The following MCCC1 variants were observed in gnomAD, a reference collection of about 807,000 sequenced individuals.
MCCC1 encodes methylcrotonyl-CoA carboxylase subunit 1.
In MCCC1, 64 loss-of-function variants were observed where a neutral mutation model predicts 83.8. The ratio of observed to expected loss-of-function variants is 0.76; its 90% CI spans 0.62 to 0.94. The LOEUF is 0.94. MCCC1 is among the 40% of genes least tolerant of loss of function. The probability of loss-of-function intolerance (pLI) is 0.00; values close to 1 mark genes in which losing one functional copy is unlikely to be tolerated. For missense variants in MCCC1, 807 were observed against 904.7 expected (o/e 0.89, Z 1.39); for synonymous variants, 322 against 315.4 (o/e 1.02, Z -0.22).
chr3:183,082,853 C>T (rs573853690), intron 4 of MCCC1, among the ~76,000 whole-genome samples: 2 of 152,054 alleles, frequency 1.3e-5, no homozygotes, highest in South Asian at 2.1e-4. Flanking sequence ...GGCATAGTGA[C>T]GTGTGCCTAC....
upstream of MCCC1, among the ~76,000 whole-genome samples, chr3:183,104,137 C>G (rs1002303109): frequency 6.6e-6 from 1 of 152,242 alleles, no homozygotes; most frequent in Middle Eastern, 3.2e-3. Context: ...CCCTCCACAC[C>G]TCCCTGCAAG....
chr3:183,096,729 C>G (rs1172372787), intron 1 of MCCC1, among the ~76,000 whole-genome samples: 1 of 152,210 alleles, frequency 6.6e-6, no homozygotes, highest in Non-Finnish European at 1.5e-5. Flanking sequence ...AGCTTCCTCA[C>G]GAGGCTGCTG....
intron 4 of MCCC1, among the ~76,000 whole-genome samples, chr3:183,077,436 A>T (rs73178970): frequency 8.3e-4 from 126 of 152,326 alleles, no homozygotes; most frequent in Non-Finnish European, 1.6e-3. Flanking sequence ...CATCCTAGTG[A>T]GTATGAAGTG....
At chr3:183,055,044 G>C (rs1715303677) in intron 8 of MCCC1, among the ~76,000 whole-genome samples, 1 of 152,142 alleles carries the variant, frequency 6.6e-6, no homozygotes, top group South Asian at 2.1e-4. Context: ...TTCTCAGAAT[G>C]TATTCCTATT....
intron 5 of MCCC1, 102 bp downstream of exon 5, chr3:183,072,264 A>C: frequency 1.5e-6 from 2 of 1,356,268 alleles, no homozygotes; most frequent in Non-Finnish European, 2.1e-6. Context: ...CTCCTGCCTC[A>C]GTCTCCCAAA....
At chr3:183,026,142 A>G (rs1712579864) in intron 14 of MCCC1, among the ~76,000 whole-genome samples, 1 of 152,144 alleles carries the variant, frequency 6.6e-6, no homozygotes, top group Non-Finnish European at 1.5e-5. Flanking sequence ...TCCTGGGGTC[A>G]GGTGATCCCC....
chr3:183,028,912 CAA>C (rs1712825065), intron 14 of MCCC1, among the ~76,000 whole-genome samples: 1 of 152,184 alleles, frequency 6.6e-6, no homozygotes, highest in Non-Finnish European at 1.5e-5. Context: ...CCTATGCCAG[CAA>C]CAAGATTACA....
intron 4 of MCCC1, among the ~76,000 whole-genome samples, chr3:183,074,855 C>A (rs1269299803): frequency 1.3e-5 from 2 of 152,206 alleles, no homozygotes; most frequent in Non-Finnish European, 2.9e-5. Flanking sequence ...ATCTTTTCTG[C>A]TCCTCTCCCT....
intron 10 of MCCC1, 26 bp downstream of exon 10, chr3:183,045,387 A>AT (rs750735149): frequency 1.7e-5 from 27 of 1,612,954 alleles, no homozygotes; most frequent in Non-Finnish European, 2.3e-5. Context: ...GCCAAGGCTG[A>AT]TTTTTAATAG....
intron 1 of MCCC1, among the ~76,000 whole-genome samples, chr3:183,114,367 T>TA (rs1719553765): frequency 6.6e-6 from 1 of 152,136 alleles, no homozygotes; most frequent in Non-Finnish European, 1.5e-5. Flanking sequence ...TTTTGAGCGT[T>TA]AGCCGTCTCT....
chr3:183,048,672 A>AT (rs1714734988), intron 9 of MCCC1, among the ~76,000 whole-genome samples: 1 of 152,228 alleles, frequency 6.6e-6, no homozygotes, highest in South Asian at 2.1e-4. Context: ...CCCATCTGTT[A>AT]TTAAATAGAT....
upstream of MCCC1, among the ~76,000 whole-genome samples, chr3:183,101,360 C>T (rs1719283382): frequency 6.6e-6 from 1 of 152,260 alleles, no homozygotes. Flanking sequence ...GCCAGCTGGG[C>T]TCCTGAGTCT....
At chr3:183,034,809 G>C (rs560682255) in intron 13 of MCCC1, among the ~76,000 whole-genome samples, 2 of 145,972 alleles carry the variant, frequency 1.4e-5, no homozygotes, top group African/African-American at 5.0e-5. Flanking sequence ...GACGAGTCTC[G>C]TTCTGTCGCC....
intron 15 of MCCC1, 56 bp from the exon 16 acceptor site, chr3:183,022,610 A>G: frequency 7.1e-7 from 1 of 1,408,806 alleles, no homozygotes; most frequent in East Asian, 2.4e-5. Context: ...TACAGAATTA[A>G]TAAGATCAGA....
At chr3:183,057,184 T>C in intron 8 of MCCC1, 127 bp downstream of exon 8, 1 of 777,080 alleles carries the variant, frequency 1.3e-6, no homozygotes, top group South Asian at 1.5e-5. Flanking sequence ...TACACTGCTA[T>C]TAGGCAACAG....
At chr3:183,052,089 T>G in intron 9 of MCCC1, 70 bp downstream of exon 9, 1 of 1,443,284 alleles carries the variant, frequency 6.9e-7, no homozygotes. Context: ...AAAGTTGTGT[T>G]TCTCTTGCCT....
intron 9 of MCCC1, among the ~76,000 whole-genome samples, chr3:183,050,645 G>T (rs1452288490): frequency 6.8e-6 from 1 of 148,040 alleles, no homozygotes; most frequent in Non-Finnish European, 1.5e-5. Flanking sequence ...GGCGGAGGTT[G>T]CAGTGAGCCG....
chr3:183,034,226 G>T (rs1380146169), intron 13 of MCCC1, 149 bp from the exon 14 acceptor site: 3 of 608,674 alleles, frequency 4.9e-6, no homozygotes, highest in Non-Finnish European at 8.9e-6. Flanking sequence ...CAAGGCGGGC[G>T]GATCATGAGG....
At chr3:183,084,463 C>T (rs1182080129) in intron 4 of MCCC1, among the ~76,000 whole-genome samples, 2 of 152,146 alleles carry the variant, frequency 1.3e-5, no homozygotes, top group Non-Finnish European at 2.9e-5. Flanking sequence ...TTATCATCTC[C>T]TTACCCTCCT....
Sources: gnomAD v4.1 joint callset for allele counts (sites outside exome capture counted in the v4.1 genomes callset) on GRCh38, gnomAD v4.1.1 for gene constraint, MANE v1.5 for transcripts, NCBI Gene and HGNC (gene_info 2026-07-23, HGNC 2026-07-21) for gene names.